Variants in KCNG2 observed in about 807,000 individuals in gnomAD.
KCNG2 encodes potassium voltage-gated channel modifier subfamily G member 2.
A neutral mutation model predicts 12.3 loss-of-function variants in KCNG2; 7 were observed. The ratio of observed to expected loss-of-function variants is 0.57; its 90% confidence interval spans 0.32 to 1.07. The LOEUF (loss-of-function observed/expected upper bound fraction) is 1.07. Ranked by LOEUF, KCNG2 falls within the 50% of genes least tolerant of loss-of-function variation. The pLI, the probability that KCNG2 is intolerant of heterozygous loss-of-function variation, is 0.04. For synonymous variants in KCNG2, 414 were observed against 351.4 expected (o/e 1.18, Z -1.99); for missense variants, 703 against 726.0 (o/e 0.97, Z 0.36).
At chr18:79,896,030 ATC>A (rs1346731583) in intron 3 of KCNG2, among the ~76,000 whole-genome samples, 2 of 152,194 alleles carry the variant, frequency 1.3e-5, no homozygotes, top group Non-Finnish European at 2.9e-5. Flanking sequence ...CAGTGGCACA[ATC>A]TCTGCTCACT....
intron 3 of KCNG2, among the ~76,000 whole-genome samples, chr18:79,887,824 A>G (rs1265265722): frequency 6.6e-6 from 1 of 152,120 alleles, no homozygotes; most frequent in Non-Finnish European, 1.5e-5. Context: ...AAGTTCGGGA[A>G]TGGACTGGAG....
intron 1 of KCNG2, among the ~76,000 whole-genome samples, chr18:79,814,381 A>C (rs961589975): frequency 4.6e-5 from 7 of 152,270 alleles, no homozygotes; most frequent in African/African-American, 1.7e-4. Context: ...CGACGATCAC[A>C]CTTCTGTACT....
chr18:79,830,607 G>A (rs1207661353), intron 1 of KCNG2, among the ~76,000 whole-genome samples: 3 of 152,368 alleles, frequency 2.0e-5, no homozygotes, highest in East Asian at 3.9e-4. Context: ...AGAGGCCAGC[G>A]AGAGAGATGC....
At chr18:79,852,345 C>T (rs922794562) in intron 1 of KCNG2, among the ~76,000 whole-genome samples, 1 of 152,258 alleles carries the variant, frequency 6.6e-6, no homozygotes, top group Admixed American at 6.5e-5. Context: ...AACAGTTCAA[C>T]CCCATGAGGA....
chr18:79,840,417 G>T (rs1280122839), intron 1 of KCNG2, among the ~76,000 whole-genome samples: 2 of 152,058 alleles, frequency 1.3e-5, no homozygotes, highest in African/African-American at 4.8e-5. Context: ...TACACATATA[G>T]AACTTTAATG....
intron 1 of KCNG2, among the ~76,000 whole-genome samples, chr18:79,826,232 C>G (rs551736436): frequency 1.3e-5 from 2 of 152,248 alleles, no homozygotes; most frequent in African/African-American, 4.8e-5. Context: ...TCGCTTCAGA[C>G]GGGGACCGAG....
In KCNG2 at chr18:79,899,919, C is replaced by T; in HGVS notation, c.*103C>T. Reference sequence around the variant, plus strand: ...GGGGGCGTCTGGCCTGGGGGAGCGGCTCCTGCCGGCCGCGTCCTCGGCCCT... The same window carrying T: ...GGGGGCGTCTGGCCTGGGGGAGCGGTTCCTGCCGGCCGCGTCCTCGGCCCT... On this transcript the variant is annotated 3_prime_UTR_variant, in exon 4 of 4. Transcript: ENST00000316249. 2.7e-6 allele frequency: 3 copies of T among 1,105,712 alleles called. No individual in the cohort carries two copies. The highest frequency in any genetic ancestry group is 2.3e-6 in the Non-Finnish European group (2 of 866,010). The allele number at this position is 1,105,712 out of a possible 1,614,324, so 68.5% of individuals were successfully genotyped here.
chr18:79,828,652 T>C (rs2123018392), intron 1 of KCNG2, among the ~76,000 whole-genome samples: 1 of 152,090 alleles, frequency 6.6e-6, no homozygotes. Flanking sequence ...TGTATGTCTG[T>C]GTGTGCCTGT....
chr18:79,889,462 G>GT (rs1980669630), intron 3 of KCNG2, among the ~76,000 whole-genome samples: 1 of 137,374 alleles, frequency 7.3e-6, no homozygotes. Context: ...TTATCAAAGT[G>GT]TAAGTTTTTT....
chr18:79,828,943 G>A (rs529707269), intron 1 of KCNG2, among the ~76,000 whole-genome samples: 3 of 106,716 alleles, frequency 2.8e-5, no homozygotes, highest in African/African-American at 4.0e-5. Flanking sequence ...TGTGTGTAAC[G>A]TGTCTGTGTG....
At chr18:79,826,281 G>A (rs1978285863) in intron 1 of KCNG2, among the ~76,000 whole-genome samples, 1 of 152,274 alleles carries the variant, frequency 6.6e-6, no homozygotes, top group African/African-American at 2.4e-5. Flanking sequence ...TCCCTTCTGA[G>A]GCAGGCAGAG....
intron 3 of KCNG2, among the ~76,000 whole-genome samples, chr18:79,887,326 C>T (rs1383793684): frequency 1.3e-5 from 2 of 152,038 alleles, no homozygotes; most frequent in African/African-American, 4.8e-5. Flanking sequence ...CGGAGGCCGC[C>T]CTGGGCCAGA....
At chr18:79,807,093 C>T (rs2087454957) in intron 1 of KCNG2, among the ~76,000 whole-genome samples, 1 of 152,198 alleles carries the variant, frequency 6.6e-6, no homozygotes, top group African/African-American at 2.4e-5. Context: ...GAGGAGAAAA[C>T]TGACCCCGGG....
intron 1 of KCNG2, among the ~76,000 whole-genome samples, chr18:79,806,366 G>C (rs529577234): frequency 6.6e-6 from 1 of 152,364 alleles, no homozygotes; most frequent in South Asian, 2.1e-4. Context: ...CAAGGCCGCT[G>C]TGTCAGGGTT....
In KCNG2 at chr18:79,871,697, C is replaced by A. The variant is rs149107258; in HGVS notation, c.624+7406C>A. On this transcript the variant is annotated intron_variant, in intron 3 of 3. Coordinates refer to ENST00000316249, the MANE Select transcript of KCNG2 (RefSeq NM_012283.2). ...CAGGGGCAGTAGAGGGAGGGGAAGG[C>A]GGCCCCCTATGACGCCTTGGCAGAG... 3.1e-3 allele frequency among the ~76,000 whole-genome samples: 479 copies of A among 152,306 alleles called. 4 individuals are homozygous for A. The highest frequency in any genetic ancestry group is 0.011 in the African/African-American group (465 of 41,570).
chr18:79,800,737 C>T lies in KCNG2; in HGVS notation c.-115+2723C>T, dbSNP rs1199384942. ...GTGGGCTGGTGCCTATGGTTGCAGT[C>T]GGCCTGGCGTGTCCTGCGGGCACCC... On this transcript the variant is annotated intron_variant, in intron 1 of 3. Transcript: ENST00000316249. This position sits in a 1 kb window ranked among gnomAD's most constrained non-coding sequence, Gnocchi z 4.0. Among the ~76,000 whole-genome samples the T allele has an allele frequency of 1.3e-5, 2 of 152,212 alleles. No homozygotes were observed. Among genetic ancestry groups the T allele is most frequent in the South Asian group, 2.1e-4 (1 of 4,838 alleles).
At chr18:79,829,596 C>G (rs36087369) in intron 1 of KCNG2, among the ~76,000 whole-genome samples, 33,988 of 152,030 alleles carry the variant, frequency 0.22, 4,149 homozygotes, top group African/African-American at 0.32. Context: ...CAGTCTCTGC[C>G]TCACACCGGT....
chr18:79,876,357 C>G (rs1224627509), intron 3 of KCNG2: 1 of 152,590 alleles, frequency 6.6e-6, no homozygotes, highest in East Asian at 1.9e-4. Flanking sequence ...TGCAAGCACA[C>G]TGTGTGGGCA....
rs1052842344 is a variant in KCNG2 at position 79,803,292 on chromosome 18, AG to A, written c.-115+5281del. 2.4e-4 allele frequency among the ~76,000 whole-genome samples: 37 copies of A among 152,138 alleles called. No individual in the cohort carries two copies. Among genetic ancestry groups the A allele is most frequent in the African/African-American group, 8.7e-4 (36 of 41,484 alleles). On this transcript the variant is annotated intron_variant, in intron 1 of 3. Coordinates refer to ENST00000316249, the MANE Select transcript of KCNG2 (RefSeq NM_012283.2). The surrounding 1 kb of genome is among the most constrained non-coding windows in gnomAD (Gnocchi z 4.5). ...TCTTTCACCTCTGTAGTCACAGGGC[AG>A]GGCCAGCCCCCTCACCTCTAGGCCT...
Sources: allele counts gnomAD v4.1 joint callset (sites outside exome capture counted in the v4.1 genomes callset), GRCh38; gene constraint gnomAD v4.1.1; non-coding constraint Gnocchi (gnomAD v3.1); transcripts MANE v1.5; gene names NCBI Gene and HGNC (gene_info 2026-07-23, HGNC 2026-07-21).